STX6: variants seen among roughly 807,000 people sequenced by gnomAD.
STX6 encodes the protein syntaxin-6.
A neutral mutation model predicts 38.0 loss-of-function variants in STX6; 23 were observed. The ratio of observed to expected loss-of-function variants is 0.60; its 90% CI spans 0.43 to 0.86. The LOEUF is 0.86. STX6 is among the 40% of genes least tolerant of loss of function. The pLI, the probability that STX6 is intolerant of heterozygous loss-of-function variation, is 0.00. For synonymous variants in STX6, 123 were observed against 107.5 expected (o/e 1.14, Z -0.89); for missense variants, 274 against 312.9 (o/e 0.88, Z 0.94).
chr1:180,993,439 A>C lies in STX6; in HGVS notation c.301-14T>G. On this transcript the variant is annotated splice_polypyrimidine_tract_variant and intron_variant, in intron 3 of 7. Coordinates refer to ENST00000258301, the MANE Select transcript of STX6 (RefSeq NM_005819.6). ...ATCTTTCATGTCCTAATGAGAAAGA[A>C]GATACGAAAACAAATGAAAAATATC... 1.3e-6 allele frequency: 2 copies of C among 1,535,734 alleles called. No individual in the cohort carries two copies. The highest frequency in any genetic ancestry group is 1.8e-6 in the Non-Finnish European group (2 of 1,115,120).
At chr1:181,011,171 G>T (rs1656387504) in intron 1 of STX6, among the ~76,000 whole-genome samples, 1 of 152,170 alleles carries the variant, frequency 6.6e-6, no homozygotes, top group Non-Finnish European at 1.5e-5. Context: ...TTTTCATTTA[G>T]TAACACAGAC....
intron 5 of STX6, among the ~76,000 whole-genome samples, chr1:180,989,588 G>A (rs1057244657): frequency 1.3e-5 from 2 of 151,964 alleles, no homozygotes; most frequent in Admixed American, 1.3e-4. Flanking sequence ...GATGGACAAA[G>A]GTCTGTTTTT....
chr1:180,990,238 A>T, intron 4 of STX6, 129 bp from the exon 5 acceptor site: 1 of 1,211,944 alleles, frequency 8.3e-7, no homozygotes, highest in Non-Finnish European at 1.1e-6. Context: ...CAAGGCTTTT[A>T]TGTAGTGGTG....
chr1:180,978,347 C>T (rs1383626631), intron 7 of STX6, among the ~76,000 whole-genome samples: 1 of 152,162 alleles, frequency 6.6e-6, no homozygotes, highest in Non-Finnish European at 1.5e-5. Context: ...CAGAAACCCA[C>T]GAAGCAACAA....
Position 180,989,658 on chromosome 1 carries a change from C to T in STX6, c.489+326G>A, listed in dbSNP as rs377532107. ...TTTTAGAGAAAGGGTCTTGCTCTGT[C>T]ACCCAGGCTAGAATGCAATGGCATG... On this transcript the variant is annotated intron_variant, in intron 5 of 7. Transcript: ENST00000258301. Among the ~76,000 whole-genome samples the T allele has an allele frequency of 2.6e-5, 4 of 152,028 alleles. No homozygotes were observed. The East Asian group carries it at 5.8e-4, about 22-fold the overall frequency.
intron 1 of STX6, among the ~76,000 whole-genome samples, chr1:181,014,756 C>T (rs1357249287): frequency 1.3e-5 from 2 of 152,220 alleles, no homozygotes; most frequent in Admixed American, 6.5e-5. Flanking sequence ...CTTCTACATT[C>T]ACATCGTTTG....
chr1:180,999,446 A>C (rs1456887545), intron 3 of STX6, among the ~76,000 whole-genome samples: 2 of 152,204 alleles, frequency 1.3e-5, no homozygotes, highest in Non-Finnish European at 2.9e-5. Flanking sequence ...AGTAAAAATG[A>C]TTACCTCAAA....
chr1:181,007,969 C>G (rs1656275809), intron 1 of STX6, among the ~76,000 whole-genome samples: 1 of 152,218 alleles, frequency 6.6e-6, no homozygotes, highest in Non-Finnish European at 1.5e-5. Context: ...TACCATCAGT[C>G]TGTGGACATA....
intron 3 of STX6, among the ~76,000 whole-genome samples, chr1:180,997,580 T>A (rs1345142003): frequency 6.6e-6 from 1 of 152,228 alleles, no homozygotes; most frequent in Non-Finnish European, 1.5e-5. Context: ...CTCTCATTAA[T>A]ATCTCTTATA....
intron 7 of STX6, among the ~76,000 whole-genome samples, chr1:180,979,969 A>G (rs373829281): frequency 1.2e-4 from 18 of 152,292 alleles, no homozygotes; most frequent in African/African-American, 4.3e-4. Flanking sequence ...CACTTTGAGA[A>G]GCCATGGCAG....
At chr1:181,015,294 A>G (rs1288304148) in intron 1 of STX6, among the ~76,000 whole-genome samples, 1 of 152,226 alleles carries the variant, frequency 6.6e-6, no homozygotes, top group Non-Finnish European at 1.5e-5. Flanking sequence ...CTAAAACCAA[A>G]TTAATCATAT....
intron 3 of STX6, among the ~76,000 whole-genome samples, chr1:181,000,708 T>C (rs1017269017): frequency 1.3e-5 from 2 of 152,120 alleles, no homozygotes; most frequent in Non-Finnish European, 2.9e-5. Flanking sequence ...ATTATACCAA[T>C]GAACTTAATT....
chr1:180,987,310 G>A (rs1221895196), intron 6 of STX6, among the ~76,000 whole-genome samples: 2 of 152,162 alleles, frequency 1.3e-5, no homozygotes, highest in Admixed American at 6.5e-5. Context: ...AGGGACCTTG[G>A]GCTAAGTCAG....
chr1:180,991,052 T>TA (rs1188122724), intron 4 of STX6, among the ~76,000 whole-genome samples: 1 of 152,038 alleles, frequency 6.6e-6, no homozygotes, highest in Non-Finnish European at 1.5e-5. Flanking sequence ...TCGGGTAATT[T>TA]AAAAAAAATC....
chr1:180,975,798 C>G lies in STX6; in HGVS notation c.*772G>C, dbSNP rs1655229740. 6.6e-6 allele frequency: 1 copy of G among 152,234 alleles called. No individual in the cohort carries two copies. The highest frequency in any genetic ancestry group is 6.5e-5 in the Admixed American group (1 of 15,288). 9.4% of individuals were successfully genotyped at this position (152,234 alleles called of 1,614,324 possible). ...ACAGCAACATCAAGTCGGCAAGGAT[C>G]AGGAGCTGACCTGTGGCGACATCAT... On this transcript the variant is annotated 3_prime_UTR_variant, in exon 8 of 8. Transcript: ENST00000258301.
At position 181,005,343 on chromosome 1, in the gene STX6, AT is replaced by A; in HGVS notation, c.155del (p.Asn52IlefsTer6). ...GATCCCACTCTATGCTCCGGAGGTT[AT>A]TTCTCAGCTCGTTGGTGGTCCAGTC... The part of the protein sequence containing the change: ...EIDWTTNELR[N>X]NLRSIEWDLE... On this transcript the variant is annotated frameshift_variant, in exon 2 of 8. Coordinates refer to ENST00000258301, the MANE Select transcript of STX6 (RefSeq NM_005819.6). LOFTEE classifies it high-confidence loss of function. 1 of 1,614,044 alleles carries A rather than the reference AT, an allele frequency of 6.2e-7. No homozygotes were observed. The highest frequency in any genetic ancestry group is 8.5e-7 in the Non-Finnish European group (1 of 1,179,948).
intron 1 of STX6, among the ~76,000 whole-genome samples, chr1:181,007,636 C>A (rs1043573426): frequency 6.6e-6 from 1 of 152,186 alleles, no homozygotes; most frequent in Non-Finnish European, 1.5e-5. Flanking sequence ...TTCTCCACCA[C>A]CAGTACACAA....
Position 180,973,240 on chromosome 1 carries a change from T to G in STX6, c.*3330A>C, listed in dbSNP as rs1176043870. 6.6e-6 allele frequency: 1 copy of G among 152,156 alleles called. No homozygotes were observed. Among genetic ancestry groups the G allele is most frequent in the Non-Finnish European group, 1.5e-5 (1 of 68,040 alleles). The allele number at this position is 152,156 out of a possible 1,614,324, so 9.4% of individuals were successfully genotyped here. A position where few individuals can be genotyped will look rare whatever the true frequency, so the allele number is the denominator to read the frequency against. ...TACAAATTCATCTTGCAGTACAAGG[T>G]GAAGCCAAATGGTACAAAGTCCACA... On this transcript the variant is annotated 3_prime_UTR_variant, in exon 8 of 8. Transcript: ENST00000258301.
chr1:181,018,485 A>G lies in STX6; in HGVS notation c.35+4154T>C, dbSNP rs555672187. ...TTTAAAATGACCATATTATATATAT[A>G]ATATATATTTGTAATAAATATATAA... On this transcript the variant is annotated intron_variant, in intron 1 of 7. Coordinates refer to ENST00000258301, the MANE Select transcript of STX6 (RefSeq NM_005819.6). Among the ~76,000 whole-genome samples the G allele has an allele frequency of 5.3e-5, 8 of 149,792 alleles. No homozygotes were observed. The South Asian group carries it at 1.3e-3, about 23-fold the overall frequency.
Sources: gnomAD v4.1 joint callset for allele counts (sites outside exome capture counted in the v4.1 genomes callset) on GRCh38, gnomAD v4.1.1 for gene constraint, MANE v1.5 for transcripts, NCBI Gene and HGNC (gene_info 2026-07-23, HGNC 2026-07-21) for gene names.